COL26A1: variants seen among roughly 807,000 people sequenced by gnomAD.
COL26A1 encodes the protein collagen alpha-1(XXVI) chain.
Under a neutral mutation model 59.3 loss-of-function variants are expected in COL26A1, and 41 were observed. The observed-to-expected ratio is 0.69, with a 90% CI of 0.54 to 0.90. COL26A1 has a LOEUF of 0.90. COL26A1 is among the 40% of genes least tolerant of loss of function. The pLI is 0.00. For synonymous variants in COL26A1, 266 were observed against 256.0 expected, an observed-to-expected ratio of 1.04 and a Z score of -0.37; for missense variants, 612 against 602.3, an observed-to-expected ratio of 1.02 and a Z score of -0.17.
intron 3 of COL26A1, among the ~76,000 whole-genome samples, chr7:101,488,773 C>G (rs1456761079): frequency 6.6e-6 from 1 of 152,112 alleles, no homozygotes; most frequent in Non-Finnish European, 1.5e-5. Context: ...TTTCATTGTC[C>G]CAATTAAATT....
At chr7:101,552,372 G>T (rs1053376996) in intron 10 of COL26A1, among the ~76,000 whole-genome samples, 12 of 152,170 alleles carry the variant, frequency 7.9e-5, no homozygotes, top group Non-Finnish European at 8.8e-5. Context: ...GCTTTGGGAG[G>T]CCAAGGCAGG....
chr7:101,411,371 C>G (rs1034933596), intron 1 of COL26A1, among the ~76,000 whole-genome samples: 1 of 151,986 alleles, frequency 6.6e-6, no homozygotes, highest in African/African-American at 2.4e-5. Context: ...GGGACACGGC[C>G]ACGTCTGTGC....
At chr7:101,547,380 C>T (rs1469815103) in intron 8 of COL26A1, 141 bp downstream of exon 8, 6 of 536,866 alleles carry the variant, frequency 1.1e-5, no homozygotes, top group East Asian at 3.3e-5. Flanking sequence ...CTGTCCCACC[C>T]GCTGTGTGGC....
Position 101,461,772 on chromosome 7 carries a change from A to G in COL26A1, c.385+13985A>G, listed in dbSNP as rs981261520. ...TGGGAGAAGGGAAGGGCTTTGGTCA[A>G]TGTTATCAATCATCAGCTCCAGTTG... On this transcript the variant is annotated intron_variant, in intron 3 of 12. Transcript: ENST00000313669. 5.9e-5 allele frequency among the ~76,000 whole-genome samples: 9 copies of G among 152,228 alleles called. No individual in the cohort carries two copies. In the South Asian group the frequency reaches 1.4e-3, roughly 25 times the overall value.
At chr7:101,387,666 T>C (rs1049323948) in intron 1 of COL26A1, among the ~76,000 whole-genome samples, 20 of 139,456 alleles carry the variant, frequency 1.4e-4, no homozygotes, top group South Asian at 2.3e-4. Context: ...TATAAATACA[T>C]ACATATATAT....
At position 101,497,217 on chromosome 7, in the gene COL26A1, G is replaced by A. The variant is rs1451904080; in HGVS notation, c.386-35865G>A. Among the ~76,000 whole-genome samples the A allele has an allele frequency of 3.3e-5, 5 of 152,112 alleles. No individual in the cohort carries two copies. In the East Asian group the frequency reaches 9.7e-4, roughly 29 times the overall value. ...CAGGCCATTACACTCCATCCTGGTG[G>A]ACAAGAGCAAAACTCCATCTCAAAA... On this transcript the variant is annotated intron_variant, in intron 3 of 12. Transcript: ENST00000313669.
At chr7:101,505,116 GA>G (rs545936317) in intron 3 of COL26A1, among the ~76,000 whole-genome samples, 47 of 150,330 alleles carry the variant, frequency 3.1e-4, no homozygotes, top group African/African-American at 1.1e-3. Context: ...CAGCCTGGGT[GA>G]AAAAAAAAAG....
chr7:101,521,295 G>T (rs1201489085), intron 3 of COL26A1, among the ~76,000 whole-genome samples: 2 of 152,088 alleles, frequency 1.3e-5, no homozygotes. Context: ...ATTTGGGTGG[G>T]GACACAGAGC....
chr7:101,404,084 G>T (rs1016197971), intron 1 of COL26A1, among the ~76,000 whole-genome samples: 3 of 152,084 alleles, frequency 2.0e-5, no homozygotes, highest in Non-Finnish European at 2.9e-5. Flanking sequence ...ACAGAGCTAT[G>T]CAAGAAGAGA....
intron 1 of COL26A1, among the ~76,000 whole-genome samples, chr7:101,410,928 C>G (rs534863022): frequency 3.3e-5 from 5 of 152,096 alleles, no homozygotes; most frequent in Non-Finnish European, 5.9e-5. Context: ...CTGGGCAAAC[C>G]TTAGTTCTAA....
chr7:101,501,949 A>T (rs924596668), intron 3 of COL26A1, among the ~76,000 whole-genome samples: 4 of 151,994 alleles, frequency 2.6e-5, no homozygotes, highest in Non-Finnish European at 5.9e-5. Context: ...GTGCAGCTCC[A>T]AAATCTTCCG....
At chr7:101,446,332 TA>T (rs1445367056) in intron 2 of COL26A1, among the ~76,000 whole-genome samples, 3 of 152,228 alleles carry the variant, frequency 2.0e-5, no homozygotes, top group Non-Finnish European at 4.4e-5. Context: ...CTCCATTGTG[TA>T]CACATTGTTT....
At position 101,557,351 on chromosome 7, in the gene COL26A1, C is replaced by T; in HGVS notation, c.1166-19C>T. On this transcript the variant is annotated intron_variant, in intron 12 of 12. Coordinates refer to ENST00000313669, the MANE Select transcript of COL26A1 (RefSeq NM_001278563.3). ...TCCTAAGGCTCTACCTCGAGTCCACCCTCCTGCTCTCCTTCCAGATCCCCT... is the reference window on the plus strand; with the variant it reads ...TCCTAAGGCTCTACCTCGAGTCCACTCTCCTGCTCTCCTTCCAGATCCCCT... The T allele has an allele frequency of 6.2e-7, 1 of 1,603,310 alleles. No homozygotes were observed. Among genetic ancestry groups the T allele is most frequent in the Non-Finnish European group, 8.5e-7 (1 of 1,172,272 alleles).
chr7:101,447,875 T>C (rs1793239557), intron 3 of COL26A1, 88 bp downstream of exon 3: 3 of 791,594 alleles, frequency 3.8e-6, no homozygotes, highest in Admixed American at 4.1e-5. Context: ...TGCAAGCAGC[T>C]TTCCTTTCCT....
At chr7:101,447,621 G>A in intron 2 of COL26A1, 63 bp from the exon 3 acceptor site, 1 of 1,137,004 alleles carries the variant, frequency 8.8e-7, no homozygotes, top group Non-Finnish European at 1.3e-6. Context: ...CATCTTTGCA[G>A]CAGTGGGGTC....
intron 3 of COL26A1, among the ~76,000 whole-genome samples, chr7:101,457,757 T>C (rs1008056105): frequency 6.6e-6 from 1 of 152,216 alleles, no homozygotes; most frequent in East Asian, 1.9e-4. Context: ...TAATCTTTTG[T>C]GTATGGTTTG....
chr7:101,420,001 A>C lies in COL26A1; in HGVS notation c.183A>C (p.Thr61=). 6.2e-7 allele frequency: 1 copy of C among 1,613,736 alleles called. No homozygotes were observed. The highest frequency in any genetic ancestry group is 8.5e-7 in the Non-Finnish European group (1 of 1,179,866). ...SRRHWCHHTV[T]RTVSCQVQNG... ...GGCACTGGTGCCATCACACAGTGACACGGACGGTGTCCTGCCAGGTGCAGA... is the reference window on the plus strand; with the variant it reads ...GGCACTGGTGCCATCACACAGTGACCCGGACGGTGTCCTGCCAGGTGCAGA... Residue 61 remains threonine (T), a synonymous_variant, in exon 2 of 13, where the codon ACA becomes ACC. Coordinates refer to ENST00000313669, the MANE Select transcript of COL26A1 (RefSeq NM_001278563.3).
At chr7:101,518,619 G>T (rs1795079204) in intron 3 of COL26A1, among the ~76,000 whole-genome samples, 1 of 152,168 alleles carries the variant, frequency 6.6e-6, no homozygotes, top group South Asian at 2.1e-4. Context: ...GGATGAGGAA[G>T]AAAGGGTTAG....
intron 3 of COL26A1, among the ~76,000 whole-genome samples, chr7:101,466,875 G>T (rs936685672): frequency 6.7e-6 from 1 of 148,178 alleles, no homozygotes; most frequent in African/African-American, 2.5e-5. Context: ...TTCATGCAAC[G>T]TGAAGGGTCT....
Sources: gnomAD v4.1 joint callset for allele counts (sites outside exome capture counted in the v4.1 genomes callset) on GRCh38, gnomAD v4.1.1 for gene constraint, MANE v1.5 for transcripts, NCBI Gene and HGNC (gene_info 2026-07-23, HGNC 2026-07-21) for gene names.